HAUS3: variants seen among roughly 807,000 people sequenced by gnomAD.
HAUS3 encodes the protein HAUS augmin like complex subunit 3, also known as HAUS augmin-like complex subunit 3.
In HAUS3, 36 loss-of-function variants were observed where a neutral mutation model predicts 55.2. The ratio of observed to expected loss-of-function variants is 0.65; its 90% confidence interval spans 0.50 to 0.86. The LOEUF (loss-of-function observed/expected upper bound fraction) is 0.86. Among genes scored for constraint, HAUS3 ranks in the 40% least tolerant of loss-of-function variants. The probability of loss-of-function intolerance (pLI) is 0.00; values close to 1 mark genes in which losing one functional copy is unlikely to be tolerated. For synonymous variants in HAUS3, 234 were observed against 238.6 expected (o/e 0.98, Z 0.18); for missense variants, 752 against 671.5 (o/e 1.12, Z -1.33).
rs753451192 is a variant in HAUS3, at chr4:2,229,166, C to T, written c.*2761G>A. 2.5e-6 allele frequency: 4 copies of T among 1,610,710 alleles called. 1 individual carries two copies. In the South Asian group the frequency reaches 4.4e-5, roughly 18 times the overall value. ...CTGAATGCATAGCAGACATAATCTTCTGAGCAACACTGGAGAGCGGTGTAT... is the reference window on the plus strand; with the variant it reads ...CTGAATGCATAGCAGACATAATCTTTTGAGCAACACTGGAGAGCGGTGTAT... On this transcript the variant is annotated 3_prime_UTR_variant, in exon 6 of 6. Transcript: ENST00000443786.
Position 2,238,857 on chromosome 4 carries a change from A to G in HAUS3, c.1096T>C (p.Tyr366His). ...FDLQIAKQDY[Y>H]TARQELVLNQ... ...AAAACTAACTCTTGTCTTGCTGTAT[A>G]ATAATCTTGTTTAGCAATCTGCAGA... Residue 366 changes from tyrosine to histidine, a missense_variant, in exon 4 of 6, where the codon TAT becomes CAT. Transcript: ENST00000443786. The G allele has an allele frequency of 6.2e-7, 1 of 1,613,290 alleles. No homozygotes were observed. Among genetic ancestry groups the G allele is most frequent in the Admixed American group, 1.7e-5 (1 of 59,946 alleles).
rs1478368751 is a variant in HAUS3 at position 2,230,106 on chromosome 4, CCAA to C, written c.*1818_*1820del. ...GGTCAGGAGTTTGAGACCAGCCTGA[CCAA>C]CATGGTGAAACCCCGTCTCTACTGA... On this transcript the variant is annotated 3_prime_UTR_variant, in exon 6 of 6. Transcript: ENST00000443786. The C allele has an allele frequency of 1.3e-5, 2 of 152,574 alleles. No homozygotes were observed. The highest frequency in any genetic ancestry group is 4.8e-5 in the African/African-American group (2 of 41,438). 9.5% of individuals were successfully genotyped at this position (152,574 alleles called of 1,614,324 possible).
At position 2,240,289 on chromosome 4, in the gene HAUS3, T is replaced by C; in HGVS notation, c.658A>G (p.Lys220Glu). The change falls in exon 3 of 6, where the codon AAA becomes GAA. Residue 220 changes from lysine (K) to glutamate (E), a missense_variant. By Grantham distance (56) the Lys-to-Glu change is moderately conservative (BLOSUM62 1). Coordinates refer to ENST00000443786, the MANE Select transcript of HAUS3 (RefSeq NM_001303143.2). ...STAALTLYTKKQFFQGIHEVV... is the reference protein window; with the variant it reads ...STAALTLYTKEQFFQGIHEVV... ...TCATGTATACCCTGAAAGAACTGTT[T>C]TTTGGTATACAAAGTTAATGCTGCT... The C allele has an allele frequency of 6.2e-7, 1 of 1,612,664 alleles. No individual in the cohort carries two copies. The highest frequency in any genetic ancestry group is 8.5e-7 in the Non-Finnish European group (1 of 1,179,086).
rs1172946471 is a variant in HAUS3, at chr4:2,232,086, A to G, written c.1653T>C (p.Ala551=). ...AAGTTTTTCTTTTTGTCTTCACATC[A>G]GCAAGAATATCAGTGAGGAGATGAT... is the stretch of plus-strand genomic sequence containing the variant. ...KLNHLLTDIL[A]DVKTKRKTLA... Residue 551 remains alanine (A), a synonymous_variant, in exon 6 of 6, where the codon GCT becomes GCC. Transcript: ENST00000443786. 3 of 1,604,820 alleles carry G rather than the reference A, an allele frequency of 1.9e-6. No homozygotes were observed. The African/African-American group carries it at 4.0e-5, about 22-fold the overall frequency.
intron 5 of HAUS3, among the ~76,000 whole-genome samples, chr4:2,233,029 C>T (rs529120690): frequency 1.3e-5 from 2 of 152,228 alleles, no homozygotes; most frequent in South Asian, 2.1e-4. Context: ...TAGGAACCTG[C>T]GTTTTGATAC....
rs1288746983 is a variant in HAUS3 at position 2,236,351 on chromosome 4, T to C, written c.1455A>G (p.Val485=). 2 of 1,613,032 alleles carry C rather than the reference T, an allele frequency of 1.2e-6. No homozygotes were observed. The highest frequency in any genetic ancestry group is 1.1e-5 in the South Asian group (1 of 91,064). Residue 485 remains valine (V), a synonymous_variant, in exon 5 of 6, where the codon GTA becomes GTG. Transcript: ENST00000443786. ...GAGCAGATACTGCCAACTGATCTTG[T>C]ACTAAAGAAATATTCTGTTTCAATT... ...AEKLKQNISL[V]QDQLAVSAQE... is the part of the protein sequence containing the mutation.
chr4:2,236,347 C>T lies in HAUS3; in HGVS notation c.1459G>A (p.Asp487Asn). 1 of 1,613,048 alleles carries T rather than the reference C, an allele frequency of 6.2e-7. No homozygotes were observed. The highest frequency in any genetic ancestry group is 1.1e-5 in the South Asian group (1 of 91,074). Residue 487 changes from aspartate to asparagine, a missense_variant, in exon 5 of 6, where the codon GAT becomes AAT. Transcript: ENST00000443786. ...TCTTGAGCAGATACTGCCAACTGAT[C>T]TTGTACTAAAGAAATATTCTGTTTC... is the stretch of plus-strand genomic sequence containing the variant. ...KLKQNISLVQ[D>N]QLAVSAQEHS...
At chr4:2,241,136 C>T (rs540759866) in intron 2 of HAUS3, 43 bp from the exon 3 acceptor site, 15 of 508,534 alleles carry the variant, frequency 2.9e-5, no homozygotes, top group Non-Finnish European at 4.7e-5. Context: ...AATATGACGA[C>T]AGTGTTTTTA....
Position 2,238,669 on chromosome 4 carries a change from A to C in HAUS3, c.1284T>G (p.Asp428Glu), listed in dbSNP as rs1205747360. 3 of 1,613,178 alleles carry C rather than the reference A, an allele frequency of 1.9e-6. No homozygotes were observed. The highest frequency in any genetic ancestry group is 2.7e-5 in the African/African-American group (2 of 75,044). ...MLYKQLEMLT[D>E]PSVSQQINPR... ...GATTTATCTGTTGAGAAACTGATGGATCTGTTAACATTTCTAATTGCTTGT... is the reference window on the plus strand; with the variant it reads ...GATTTATCTGTTGAGAAACTGATGGCTCTGTTAACATTTCTAATTGCTTGT... The change falls in exon 4 of 6, where the codon GAT (aspartate) becomes GAG (glutamate). Residue 428 changes from aspartate to glutamate, a missense_variant. Physicochemically the swap from Asp to Glu is conservative, Grantham distance 45 (BLOSUM62 2). Coordinates refer to ENST00000443786, the MANE Select transcript of HAUS3 (RefSeq NM_001303143.2).
intron 3 of HAUS3, 23 bp downstream of exon 3, chr4:2,240,015 C>G (rs1022157955): frequency 1.9e-6 from 3 of 1,572,412 alleles, no homozygotes; most frequent in Non-Finnish European, 2.6e-6. Flanking sequence ...CAATGTGAAT[C>G]CAATCTCATT....
chr4:2,237,918 C>T (rs1258066887), intron 4 of HAUS3, among the ~76,000 whole-genome samples: 1 of 151,302 alleles, frequency 6.6e-6, no homozygotes, highest in East Asian at 1.9e-4. Flanking sequence ...CTACACAATT[C>T]CAGGGGTATC....
Position 2,240,975 on chromosome 4 carries a change from C to G in HAUS3, c.-29G>C. 1 of 1,518,008 alleles carries G rather than the reference C, an allele frequency of 6.6e-7. No individual in the cohort carries two copies. The highest frequency in any genetic ancestry group is 2.2e-5 in the East Asian group (1 of 44,512). The allele number at this position is 1,518,008 out of a possible 1,614,324, so 94.0% of individuals were successfully genotyped here. On this transcript the variant is annotated 5_prime_UTR_variant, in exon 3 of 6. Transcript: ENST00000443786. ...TTTAACTACCCCAATTTTGTTGTAT[C>G]TGATATGGGTTTACGGTGTTGATTT...
Position 2,229,217 on chromosome 4 carries a change from C to T in HAUS3, c.*2710G>A, listed in dbSNP as rs368054532. 1 of 1,598,748 alleles carries T rather than the reference C, an allele frequency of 6.3e-7. No homozygotes were observed. Among genetic ancestry groups the T allele is most frequent in the Admixed American group, 1.8e-5 (1 of 56,414 alleles). On this transcript the variant is annotated 3_prime_UTR_variant, in exon 6 of 6. Transcript: ENST00000443786. ...TACAGAGATCAAAGCCTACCAATGC[C>T]TCATAATTTTCCATTTTCACAAAAT...
chr4:2,236,335 C>T lies in HAUS3; in HGVS notation c.1471G>A (p.Val491Ile), dbSNP rs1238252063. Residue 491 changes from valine (V) to isoleucine (I), a missense_variant, in exon 5 of 6, where the codon GTA becomes ATA. Coordinates refer to ENST00000443786, the MANE Select transcript of HAUS3 (RefSeq NM_001303143.2). ...AAGAAAGAATGTTCTTGAGCAGATA[C>T]TGCCAACTGATCTTGTACTAAAGAA... ...NISLVQDQLA[V>I]SAQEHSFFLS... is the part of the protein sequence containing the mutation. The T allele has an allele frequency of 3.1e-6, 5 of 1,613,100 alleles. No individual in the cohort carries two copies. In the African/African-American group the frequency reaches 5.3e-5, roughly 17 times the overall value.
In HAUS3 at chr4:2,238,960, T is replaced by C; in HGVS notation, c.993A>G (p.Ile331Met). Residue 331 changes from isoleucine (I) to methionine (M), a missense_variant, in exon 4 of 6, where the codon ATA becomes ATG. By Grantham distance (10) the Ile-to-Met change is conservative (BLOSUM62 1). Transcript: ENST00000443786. ...IMKLEKEVTQIKDRSLPAVVR... is the reference protein window; with the variant it reads ...IMKLEKEVTQMKDRSLPAVVR... The stretch of plus-strand genomic sequence containing the variant: ...CCACAGCAGGTAAACTTCTGTCTTT[T>C]ATTTGAGTGACCTCTTTTTCAAGTT... The C allele has an allele frequency of 6.3e-7, 1 of 1,593,262 alleles. No homozygotes were observed. The highest frequency in any genetic ancestry group is 8.5e-7 in the Non-Finnish European group (1 of 1,173,258).
rs571102151 is a variant in HAUS3, at chr4:2,229,447, T to C, written c.*2480A>G. ...AGCTAGAGGCTTAATCCAGGTATCA[T>C]AGTAAATAGATAACTTATTTTCTAG... is the stretch of plus-strand genomic sequence containing the variant. On this transcript the variant is annotated 3_prime_UTR_variant, in exon 6 of 6. Coordinates refer to ENST00000443786, the MANE Select transcript of HAUS3 (RefSeq NM_001303143.2). 4.5e-5 allele frequency: 18 copies of C among 400,484 alleles called. No homozygotes were observed. In the South Asian group the frequency reaches 4.6e-4, roughly 10 times the overall value. The allele number at this position is 400,484 out of a possible 1,614,324, so 24.8% of individuals were successfully genotyped here.
chr4:2,242,038 C>G lies in HAUS3; in HGVS notation c.-419+13G>C. ...ACACCCCTGCGCCCAGAACCGAGGC[C>G]CGCGTCAGTCACCTCAGGAAGTTCC... On this transcript the variant is annotated intron_variant, in intron 1 of 5. Coordinates refer to ENST00000443786, the MANE Select transcript of HAUS3 (RefSeq NM_001303143.2). The G allele has an allele frequency of 4.1e-6, 4 of 985,624 alleles. No individual in the cohort carries two copies. Among genetic ancestry groups the G allele is most frequent in the Non-Finnish European group, 4.8e-6 (4 of 830,054 alleles). 61.1% of individuals were successfully genotyped at this position (985,624 alleles called of 1,614,324 possible). A position where few individuals can be genotyped will look rare whatever the true frequency, so the allele number is the denominator to read the frequency against.
Position 2,238,826 on chromosome 4 carries a change from T to C in HAUS3, c.1127A>G (p.Gln376Arg). 6.2e-7 allele frequency: 1 copy of C among 1,612,976 alleles called. No individual in the cohort carries two copies. The highest frequency in any genetic ancestry group is 8.5e-7 in the Non-Finnish European group (1 of 1,179,138). Reference protein sequence around the residue: ...YTARQELVLNQLIKQKASFEL... With the variant: ...YTARQELVLNRLIKQKASFEL... ...AAATGATGCCTTTTGTTTTATTAAT[T>C]GATTTAAAACTAACTCTTGTCTTGC... Residue 376 changes from glutamine to arginine, a missense_variant, in exon 4 of 6, where the codon CAA (glutamine) becomes CGA (arginine). By Grantham distance (43) the Gln-to-Arg change is conservative. Coordinates refer to ENST00000443786, the MANE Select transcript of HAUS3 (RefSeq NM_001303143.2).
In HAUS3 at chr4:2,236,403, T is replaced by C. The variant is rs747337817; in HGVS notation, c.1403A>G (p.His468Arg). The C allele has an allele frequency of 6.2e-7, 1 of 1,613,780 alleles. No homozygotes were observed. The highest frequency in any genetic ancestry group is 8.5e-7 in the Non-Finnish European group (1 of 1,179,768). Reference protein sequence around the residue: ...ENKKKELFLTHGNLEEVAEKL... With the variant: ...ENKKKELFLTRGNLEEVAEKL... ...CTCAGCCACTTCCTCAAGGTTTCCA[T>C]GAGTTAGAAACAATTCTTTTTTCTT... The change falls in exon 5 of 6, where the codon CAT (histidine) becomes CGT (arginine). Residue 468 changes from histidine (H) to arginine (R), a missense_variant. Coordinates refer to ENST00000443786, the MANE Select transcript of HAUS3 (RefSeq NM_001303143.2).
Sources: gnomAD v4.1 joint callset for allele counts (sites outside exome capture counted in the v4.1 genomes callset) on GRCh38, gnomAD v4.1.1 for gene constraint, MANE v1.5 for transcripts, NCBI Gene and HGNC (gene_info 2026-07-23, HGNC 2026-07-21) for gene names.